NUDT21: variants seen among roughly 807,000 people sequenced by gnomAD.
The protein encoded by NUDT21 is cleavage and polyadenylation specificity factor subunit 5.
NUDT21 carries 5 observed loss-of-function variants against 29.8 expected under a neutral mutation model. That is an observed-to-expected ratio of 0.17 (90% confidence interval 0.09 to 0.35). The LOEUF is 0.35. Among genes scored for constraint, NUDT21 ranks in the 10% least tolerant of loss-of-function variants. NUDT21 has a pLI of 1.00. For synonymous variants in NUDT21, 113 were observed against 98.5 expected, an observed-to-expected ratio of 1.15 and a Z score of -0.87; for missense variants, 76 against 276.0, an observed-to-expected ratio of 0.28 and a Z score of 5.13.
At chr16:56,444,497 T>A (rs1345190103) in intron 3 of NUDT21, among the ~76,000 whole-genome samples, 1 of 151,006 alleles carries the variant, frequency 6.6e-6, no homozygotes, top group Non-Finnish European at 1.5e-5. Flanking sequence ...GGCAGGAGAA[T>A]CGCTTGAACC....
At chr16:56,436,105 C>A (rs1396871651) in intron 4 of NUDT21, among the ~76,000 whole-genome samples, 10 of 150,782 alleles carry the variant, frequency 6.6e-5, no homozygotes, top group African/African-American at 2.4e-4. Flanking sequence ...AAAATTCTGA[C>A]ACAGAACAAA....
chr16:56,441,842 T>C (rs1962162979), intron 3 of NUDT21, among the ~76,000 whole-genome samples: 1 of 152,248 alleles, frequency 6.6e-6, no homozygotes, highest in African/African-American at 2.4e-5. Context: ...TTAAATTTCT[T>C]CCCAATTCAA....
chr16:56,446,014 G>T (rs564917010), intron 3 of NUDT21, among the ~76,000 whole-genome samples: 2 of 152,100 alleles, frequency 1.3e-5, no homozygotes, highest in Non-Finnish European at 2.9e-5. Flanking sequence ...TTTGTAACAG[G>T]GGCAGGCGGC....
rs555973192 is a variant in NUDT21 at position 56,432,225 on chromosome 16, C to T, written c.*487G>A. 1 of 153,128 alleles carries T rather than the reference C, an allele frequency of 6.5e-6. No homozygotes were observed. The highest frequency in any genetic ancestry group is 2.4e-5 in the African/African-American group (1 of 41,536). The allele number at this position is 153,128 out of a possible 1,614,324, so 9.5% of individuals were successfully genotyped here. A position where few individuals can be genotyped will look rare whatever the true frequency, so the allele number is the denominator to read the frequency against. On this transcript the variant is annotated 3_prime_UTR_variant, in exon 7 of 7. Coordinates refer to ENST00000300291, the MANE Select transcript of NUDT21 (RefSeq NM_007006.3). ...TGCAACACAATTCATTTAGGAGTTG[C>T]ACCTTGGACTCACTCAGATAAATAT...
At chr16:56,446,473 G>GT (rs1399383102) in intron 3 of NUDT21, 153 bp downstream of exon 3, 11 of 519,252 alleles carry the variant, frequency 2.1e-5, no homozygotes, top group Non-Finnish European at 3.8e-5. Flanking sequence ...ACTTCAACTT[G>GT]TAAAAAAAAA....
intron 3 of NUDT21, among the ~76,000 whole-genome samples, chr16:56,443,344 T>C (rs1298565174): frequency 1.3e-5 from 2 of 152,066 alleles, no homozygotes; most frequent in Admixed American, 6.6e-5. Context: ...GCCCAGCTAA[T>C]TTGTTTATGT....
intron 6 of NUDT21, among the ~76,000 whole-genome samples, chr16:56,433,467 T>G (rs1464840514): frequency 6.6e-6 from 1 of 152,188 alleles, no homozygotes; most frequent in Non-Finnish European, 1.5e-5. Flanking sequence ...ATAACCACCA[T>G]GTTATTCTGC....
At chr16:56,435,367 G>T (rs1962085078) in intron 4 of NUDT21, among the ~76,000 whole-genome samples, 1 of 152,044 alleles carries the variant, frequency 6.6e-6, no homozygotes, top group African/African-American at 2.4e-5. Context: ...ACCTGCTCTG[G>T]CCTCCCAAAG....
At chr16:56,451,018 G>C (rs1962303011) in intron 1 of NUDT21, 69 bp downstream of exon 1, 2 of 1,346,458 alleles carry the variant, frequency 1.5e-6, no homozygotes, top group Non-Finnish European at 2.1e-6. Flanking sequence ...CCGAAAAGCC[G>C]GGGGCGCGTC....
rs117274348 is a variant in NUDT21, at chr16:56,450,915, G to A, written c.116+172C>T. 2.9e-3 allele frequency among the ~76,000 whole-genome samples: 439 copies of A among 152,346 alleles called. 12 individuals are homozygous for A. The East Asian group carries it at 0.073, about 25-fold the overall frequency. On this transcript the variant is annotated intron_variant, in intron 1 of 6. Transcript: ENST00000300291. Reference sequence around the variant, plus strand: ...TCAGAAAAGGACTCTAACCCTGGAGGCTGGAGGATGAGAAAGGGGCCTGAG... The same window carrying A: ...TCAGAAAAGGACTCTAACCCTGGAGACTGGAGGATGAGAAAGGGGCCTGAG...
chr16:56,449,345 C>T (rs1390786615), intron 1 of NUDT21: 1 of 152,188 alleles, frequency 6.6e-6, no homozygotes, highest in Non-Finnish European at 1.5e-5. Context: ...AAAGCAGGGG[C>T]TACACCTTAC....
At chr16:56,444,102 C>T (rs1450842752) in intron 3 of NUDT21, among the ~76,000 whole-genome samples, 4 of 151,986 alleles carry the variant, frequency 2.6e-5, no homozygotes, top group Non-Finnish European at 4.4e-5. Context: ...CAACATAGCA[C>T]GATCTCATCT....
At position 56,451,120 on chromosome 16, in the gene NUDT21, G is replaced by A. The variant is rs767683582; in HGVS notation, c.83C>T (p.Thr28Met). ...TQFGNKYIQQ[T>M]KPLTLERTIN... ...GGTGCGCTCCAGGGTGAGGGGCTTCGTCTGCTGGATGTACTTGTTGCCGAA... is the reference window on the plus strand; with the variant it reads ...GGTGCGCTCCAGGGTGAGGGGCTTCATCTGCTGGATGTACTTGTTGCCGAA... The change falls in exon 1 of 7, where the codon ACG becomes ATG. Residue 28 changes from threonine to methionine, a missense_variant. By Grantham distance (81) the Thr-to-Met change is moderately conservative (BLOSUM62 -1). Coordinates refer to ENST00000300291, the MANE Select transcript of NUDT21 (RefSeq NM_007006.3). 6.2e-7 allele frequency: 1 copy of A among 1,613,774 alleles called. No homozygotes were observed. Among genetic ancestry groups the A allele is most frequent in the Non-Finnish European group, 8.5e-7 (1 of 1,179,860 alleles).
At chr16:56,448,084 G>T in intron 1 of NUDT21, 95 bp from the exon 2 acceptor site, 1 of 1,036,322 alleles carries the variant, frequency 9.6e-7, no homozygotes. Flanking sequence ...CAAAAAAAGT[G>T]CATATATTGT....
rs1962041863 is a variant in NUDT21, at chr16:56,432,178, G to GT, written c.*533dup. 6.6e-6 allele frequency: 1 copy of GT among 152,476 alleles called. No individual in the cohort carries two copies. 9.4% of individuals were successfully genotyped at this position (152,476 alleles called of 1,614,324 possible). ...GGATGGTTATAAAATGTACTGGTCA[G>GT]TGAATTATACTGGGAGTTCTCTGCA... On this transcript the variant is annotated 3_prime_UTR_variant, in exon 7 of 7. Coordinates refer to ENST00000300291, the MANE Select transcript of NUDT21 (RefSeq NM_007006.3).
intron 3 of NUDT21, among the ~76,000 whole-genome samples, chr16:56,443,899 A>G (rs924844938): frequency 6.6e-6 from 1 of 152,208 alleles, no homozygotes; most frequent in Non-Finnish European, 1.5e-5. Context: ...GCAACATTAA[A>G]CAGACGAAGA....
intron 5 of NUDT21, 110 bp downstream of exon 5, chr16:56,434,644 T>C (rs1409067654): frequency 1.1e-6 from 1 of 878,070 alleles, no homozygotes; most frequent in Non-Finnish European, 1.9e-6. Context: ...TCTTTAGTTT[T>C]ACAACAAACC....
intron 6 of NUDT21, among the ~76,000 whole-genome samples, chr16:56,433,034 TATACTC>T (rs1186438517): frequency 6.6e-6 from 1 of 152,224 alleles, no homozygotes; most frequent in African/African-American, 2.4e-5. Flanking sequence ...TACATGTCCT[TATACTC>T]TGACTACTCA....
chr16:56,448,097 T>G, intron 1 of NUDT21, 108 bp from the exon 2 acceptor site: 1 of 870,098 alleles, frequency 1.1e-6, no homozygotes, highest in Non-Finnish European at 1.8e-6. Context: ...TATATTGTAC[T>G]CAGACACAGG....
Sources: gnomAD v4.1 joint callset for allele counts (sites outside exome capture counted in the v4.1 genomes callset) on GRCh38, gnomAD v4.1.1 for gene constraint, MANE v1.5 for transcripts, NCBI Gene and HGNC (gene_info 2026-07-23, HGNC 2026-07-21) for gene names.